The following CRY2 variants were observed in gnomAD, a reference collection of about 807,000 sequenced individuals.
CRY2 encodes the protein cryptochrome circadian regulator 2, also known as cryptochrome-2.
In CRY2, 31 loss-of-function variants were observed where a neutral mutation model predicts 69.5. The observed-to-expected ratio is 0.45, with a 90% CI of 0.34 to 0.60. The LOEUF is 0.60. Ranked by LOEUF, CRY2 falls within the 20% of genes least tolerant of loss-of-function variation. The pLI is 0.02. For synonymous variants in CRY2, 303 were observed against 312.2 expected (o/e 0.97, Z 0.31); for missense variants, 606 against 797.8 (o/e 0.76, Z 2.90).
At chr11:45,856,519 G>C (rs4756036) in intron 2 of CRY2, among the ~76,000 whole-genome samples, 25,714 of 152,172 alleles carry the variant, frequency 0.17, 2,799 homozygotes, top group Non-Finnish European at 0.24. Context: ...CTTTTCTGCC[G>C]GGCGAGGTGG....
rs2086374731 is a variant in CRY2, at chr11:45,870,879, C to T, written c.1587C>T (p.Leu529=). ...LASVPSCVED[L]SHPVAEPSSS... The stretch of plus-strand genomic sequence containing the variant: ...CTGTCCCTTCCTGTGTGGAAGACCT[C>T]AGTCACCCTGTGGCAGAGCCCAGCT... Residue 529 remains leucine, a synonymous_variant, in exon 10 of 12, where the codon CTC becomes CTT. Coordinates refer to ENST00000616080, the MANE Select transcript of CRY2 (RefSeq NM_021117.5). 1 of 1,613,564 alleles carries T rather than the reference C, an allele frequency of 6.2e-7. No homozygotes were observed.
At chr11:45,857,883 G>A (rs2086254546) in intron 2 of CRY2, among the ~76,000 whole-genome samples, 1 of 152,230 alleles carries the variant, frequency 6.6e-6, no homozygotes, top group South Asian at 2.1e-4. Flanking sequence ...TAAGGACCCA[G>A]TCCCCGGGCA....
In CRY2 at chr11:45,882,615, C is replaced by G. The variant is rs1369479127; in HGVS notation, c.*1704C>G. ...GTCACCTTCACTAGAAATGTCCCAT[C>G]ATCGTGGGAGGGGAGCAGGGCACAG... On this transcript the variant is annotated 3_prime_UTR_variant, in exon 12 of 12. Coordinates refer to ENST00000616080, the MANE Select transcript of CRY2 (RefSeq NM_021117.5). 2.5e-6 allele frequency: 1 copy of G among 399,020 alleles called. No individual in the cohort carries two copies. The highest frequency in any genetic ancestry group is 4.4e-6 in the Non-Finnish European group (1 of 226,130). The allele number at this position is 399,020 out of a possible 1,614,324, so 24.7% of individuals were successfully genotyped here.
At position 45,847,660 on chromosome 11, in the gene CRY2, A is replaced by AC; in HGVS notation, c.173dup (p.Trp59ValfsTer60). On this transcript the variant is annotated frameshift_variant, in exon 1 of 12. Coordinates refer to ENST00000616080, the MANE Select transcript of CRY2 (RefSeq NM_021117.5). LOFTEE classifies it high-confidence loss of function. ...TGCGTGCGCTGCGTTTACATTCTCG[A>AC]CCCGTGGTTCGCGGCCTCCTCCTCA... is the stretch of plus-strand genomic sequence containing the variant. 6.3e-7 allele frequency: 1 copy of AC among 1,593,842 alleles called. No homozygotes were observed. Among genetic ancestry groups the AC allele is most frequent in the Non-Finnish European group, 8.5e-7 (1 of 1,171,016 alleles).
chr11:45,849,825 G>T (rs1275514355), intron 1 of CRY2, among the ~76,000 whole-genome samples: 1 of 152,028 alleles, frequency 6.6e-6, no homozygotes, highest in African/African-American at 2.4e-5. Flanking sequence ...GTTTCACCAT[G>T]TTGGCTAGGC....
chr11:45,881,845 C>T lies in CRY2; in HGVS notation c.*934C>T, dbSNP rs1054209345. On this transcript the variant is annotated 3_prime_UTR_variant, in exon 12 of 12. Coordinates refer to ENST00000616080, the MANE Select transcript of CRY2 (RefSeq NM_021117.5). ...TGGTTTCTCTGGCCACACTCCAAGGCACCACAGTGCTGCCAGTGAGGACAG... is the reference window on the plus strand; with the variant it reads ...TGGTTTCTCTGGCCACACTCCAAGGTACCACAGTGCTGCCAGTGAGGACAG... 6 of 152,300 alleles carry T rather than the reference C, an allele frequency of 3.9e-5. No homozygotes were observed. The highest frequency in any genetic ancestry group is 8.8e-5 in the Non-Finnish European group (6 of 68,098). The allele number at this position is 152,300 out of a possible 1,614,324, so 9.4% of individuals were successfully genotyped here. A position where few individuals can be genotyped will look rare whatever the true frequency, so the allele number is the denominator to read the frequency against.
chr11:45,872,329 G>A, intron 11 of CRY2, 96 bp downstream of exon 11: 1 of 1,173,006 alleles, frequency 8.5e-7, no homozygotes, highest in Admixed American at 2.0e-5. Context: ...TAGCAAACTA[G>A]ATGAAAATCT....
intron 3 of CRY2, 100 bp from the exon 4 acceptor site, chr11:45,860,748 C>T: frequency 1.5e-6 from 2 of 1,362,246 alleles, no homozygotes; most frequent in South Asian, 2.8e-5. Context: ...TGAGGAAAGC[C>T]ACCCTCAAAG....
At chr11:45,875,454 T>A (rs1038523437) in intron 11 of CRY2, among the ~76,000 whole-genome samples, 40 of 152,046 alleles carry the variant, frequency 2.6e-4, no homozygotes, top group African/African-American at 9.4e-4. Flanking sequence ...GAGGAACAGG[T>A]TGGGGAGAGA....
intron 1 of CRY2, among the ~76,000 whole-genome samples, chr11:45,854,597 G>C (rs931049537): frequency 2.6e-5 from 4 of 152,188 alleles, no homozygotes; most frequent in African/African-American, 9.7e-5. Flanking sequence ...GCTGAGGCAG[G>C]AGAATCGCTT....
intron 2 of CRY2, among the ~76,000 whole-genome samples, chr11:45,858,080 A>C (rs2086256635): frequency 6.6e-6 from 1 of 152,204 alleles, no homozygotes; most frequent in Non-Finnish European, 1.5e-5. Flanking sequence ...TGAGATCTAG[A>C]AATTCCTACC....
At chr11:45,857,406 C>T (rs1467067991) in intron 2 of CRY2, among the ~76,000 whole-genome samples, 3 of 152,182 alleles carry the variant, frequency 2.0e-5, no homozygotes, top group African/African-American at 4.8e-5. Flanking sequence ...ACATTTGCCT[C>T]CCTTCTCCCC....
At chr11:45,870,658 C>A in intron 9 of CRY2, 126 bp downstream of exon 9, 2 of 1,257,710 alleles carry the variant, frequency 1.6e-6, no homozygotes, top group Non-Finnish European at 2.2e-6. Flanking sequence ...GACACCTTCG[C>A]TGGGTATGGG....
At chr11:45,866,879 C>T (rs755349298) in intron 5 of CRY2, among the ~76,000 whole-genome samples, 7 of 151,948 alleles carry the variant, frequency 4.6e-5, no homozygotes, top group African/African-American at 1.4e-4. Context: ...CCCTTGAACC[C>T]GGGAGGTGGA....
At position 45,856,001 on chromosome 11, in the gene CRY2, G is replaced by C. The variant is rs1335395077; in HGVS notation, c.235G>C (p.Glu79Gln). The change falls in exon 2 of 12, where the codon GAA becomes CAA. Residue 79 changes from glutamate to glutamine, a missense_variant. Physicochemically the swap from Glu to Gln is conservative, Grantham distance 29. Transcript: ENST00000616080. The stretch of plus-strand genomic sequence containing the variant: ...CCACAGGTTCCTACTTCAGTCTCTG[G>C]AAGATTTGGACACAAGTTTAAGGAA... ...NRWRFLLQSL[E>Q]DLDTSLRKLN... The C allele has an allele frequency of 6.2e-7, 1 of 1,614,124 alleles. No homozygotes were observed. Among genetic ancestry groups the C allele is most frequent in the Admixed American group, 1.7e-5 (1 of 60,022 alleles).
intron 4 of CRY2, chr11:45,861,638 C>T (rs187442832): frequency 9.6e-5 from 18 of 186,664 alleles, no homozygotes; most frequent in Admixed American, 1.8e-4. Flanking sequence ...GACGGGGTTT[C>T]ACCATGTTGG....
At chr11:45,873,688 A>G (rs2086404301) in intron 11 of CRY2, among the ~76,000 whole-genome samples, 1 of 152,246 alleles carries the variant, frequency 6.6e-6, no homozygotes. Flanking sequence ...TGTGCTGTCC[A>G]TCCATAAGGA....
At chr11:45,871,827 A>T (rs1461347449) in intron 10 of CRY2, among the ~76,000 whole-genome samples, 2 of 152,226 alleles carry the variant, frequency 1.3e-5, no homozygotes, top group Non-Finnish European at 2.9e-5. Context: ...AGGCAGGCCA[A>T]ATCAGTCTCT....
chr11:45,859,360 A>G (rs575348044), intron 3 of CRY2, among the ~76,000 whole-genome samples: 1 of 143,942 alleles, frequency 6.9e-6, no homozygotes, highest in African/African-American at 2.5e-5. Flanking sequence ...CATGAGTTCA[A>G]GATCAGCCTG....
Sources: allele counts gnomAD v4.1 joint callset (sites outside exome capture counted in the v4.1 genomes callset), GRCh38; gene constraint gnomAD v4.1.1; transcripts MANE v1.5; gene names NCBI Gene and HGNC (gene_info 2026-07-23, HGNC 2026-07-21).